FARS2: variants seen among roughly 807,000 people sequenced by gnomAD.
FARS2 encodes phenylalanine--tRNA ligase, mitochondrial.
FARS2 carries 40 observed loss-of-function variants against 46.4 expected under a neutral mutation model. The observed-to-expected ratio is 0.86, with a 90% CI of 0.67 to 1.12. The LOEUF (loss-of-function observed/expected upper bound fraction) is 1.12. FARS2 is among the 50% of genes most tolerant of loss of function. The pLI, the probability that FARS2 is intolerant of heterozygous loss-of-function variation, is 0.00. For synonymous variants in FARS2, 234 were observed against 214.9 expected (o/e 1.09, Z -0.78); for missense variants, 513 against 567.9 (o/e 0.90, Z 0.98).
rs146119202 is a variant in FARS2, at chr6:5,583,580, T to C, written c.1066-29589T>C. Among the ~76,000 whole-genome samples the C allele has an allele frequency of 1.2e-4, 18 of 152,326 alleles. No individual in the cohort carries two copies. The East Asian group carries it at 1.9e-3, about 16-fold the overall frequency. On this transcript the variant is annotated intron_variant, in intron 5 of 6. Transcript: ENST00000274680. ...GCCTATATTTACAATTAGAGTCGTT[T>C]GTTTGTTTAACAGATCCTTAAGCCT...
chr6:5,487,125 G>T (rs375401735), intron 4 of FARS2, among the ~76,000 whole-genome samples: 3 of 152,166 alleles, frequency 2.0e-5, no homozygotes, highest in African/African-American at 7.2e-5. Flanking sequence ...ATATAACATT[G>T]CTTATACAGA....
At chr6:5,312,175 T>G (rs1769123863) in intron 1 of FARS2, among the ~76,000 whole-genome samples, 1 of 152,246 alleles carries the variant, frequency 6.6e-6, no homozygotes. Flanking sequence ...GCTGCAGTCC[T>G]TTTGAATGTG....
chr6:5,396,569 A>G (rs1019094801), intron 2 of FARS2, among the ~76,000 whole-genome samples: 1 of 152,208 alleles, frequency 6.6e-6, no homozygotes, highest in African/African-American at 2.4e-5. Flanking sequence ...TTCACAGACT[A>G]GATATGCTGG....
At chr6:5,532,764 G>T (rs1050820284) in intron 4 of FARS2, among the ~76,000 whole-genome samples, 3 of 148,808 alleles carry the variant, frequency 2.0e-5, no homozygotes, top group Non-Finnish European at 3.0e-5. Context: ...AGTAGTAGTA[G>T]TAATAATAAT....
chr6:5,275,236 TTC>T (rs1766254997), intron 1 of FARS2, among the ~76,000 whole-genome samples: 1 of 152,224 alleles, frequency 6.6e-6, no homozygotes, highest in South Asian at 2.1e-4. Flanking sequence ...ATGAGGGTCC[TTC>T]TCTTGAATAA....
intron 1 of FARS2, among the ~76,000 whole-genome samples, chr6:5,297,411 G>A (rs1444628392): frequency 2.0e-5 from 3 of 152,204 alleles, no homozygotes; most frequent in Non-Finnish European, 4.4e-5. Flanking sequence ...ACTTTGGGGG[G>A]CCAAGGCGGG....
chr6:5,332,995 T>A (rs932278619), intron 1 of FARS2, among the ~76,000 whole-genome samples: 1 of 152,254 alleles, frequency 6.6e-6, no homozygotes, highest in South Asian at 2.1e-4. Flanking sequence ...TATACTAATA[T>A]TGATTTTCTT....
intron 4 of FARS2, among the ~76,000 whole-genome samples, chr6:5,513,542 T>G (rs757045715): frequency 6.6e-6 from 1 of 152,190 alleles, no homozygotes; most frequent in Non-Finnish European, 1.5e-5. Flanking sequence ...TGTGTTCGAG[T>G]CTCAAATGCC....
At chr6:5,364,434 T>A (rs1013476449) in intron 1 of FARS2, among the ~76,000 whole-genome samples, 6 of 152,216 alleles carry the variant, frequency 3.9e-5, no homozygotes, top group Non-Finnish European at 7.3e-5. Flanking sequence ...TGATTGTTTC[T>A]TTTGTACCAG....
Position 5,423,353 on chromosome 6 carries a change from A to G in FARS2, c.773-7688A>G, listed in dbSNP as rs190205522. Among the ~76,000 whole-genome samples, 330 of 152,060 alleles carry G rather than the reference A, an allele frequency of 2.2e-3. 1 individual carries two copies. Among genetic ancestry groups the G allele is most frequent in the Non-Finnish European group, 3.8e-3 (256 of 67,976 alleles). The stretch of plus-strand genomic sequence containing the variant: ...AATGAGGGGCCCATTAAATTGTGCC[A>G]TACTCCATTTCTCATTTCATTGTGA... On this transcript the variant is annotated intron_variant, in intron 3 of 6. Transcript: ENST00000274680.
intron 3 of FARS2, among the ~76,000 whole-genome samples, chr6:5,405,875 G>C (rs1267028073): frequency 6.6e-6 from 1 of 152,130 alleles, no homozygotes; most frequent in African/African-American, 2.4e-5. Flanking sequence ...ATCAACAGGA[G>C]TATATTAACA....
In FARS2 at chr6:5,738,832, C is replaced by T. The variant is rs145695773; in HGVS notation, c.1218-32459C>T. Among the ~76,000 whole-genome samples the T allele has an allele frequency of 7.7e-3, 1,169 of 151,924 alleles. 29 individuals carry two copies. Among genetic ancestry groups the T allele is most frequent in the Admixed American group, 0.049 (742 of 15,268 alleles). ...GCATAAAACTTTAACCAAAGAGTTGCGTGTGTATCGTTGTCGGTTTTTTTC... is the reference window on the plus strand; with the variant it reads ...GCATAAAACTTTAACCAAAGAGTTGTGTGTGTATCGTTGTCGGTTTTTTTC... On this transcript the variant is annotated intron_variant, in intron 6 of 6. Transcript: ENST00000274680.
At chr6:5,328,701 TTTTAA>T (rs1770574083) in intron 1 of FARS2, among the ~76,000 whole-genome samples, 1 of 152,116 alleles carries the variant, frequency 6.6e-6, no homozygotes, top group Non-Finnish European at 1.5e-5. Flanking sequence ...CCCTGTTGAC[TTTTAA>T]GATTTCAAGG....
At chr6:5,510,891 G>A (rs1336728931) in intron 4 of FARS2, among the ~76,000 whole-genome samples, 6 of 152,176 alleles carry the variant, frequency 3.9e-5, no homozygotes, top group African/African-American at 1.4e-4. Context: ...GTGCCTGTCT[G>A]TGCTGGGCTT....
intron 5 of FARS2, among the ~76,000 whole-genome samples, chr6:5,607,285 A>ATGTGTGTGTGTG (rs200898031): frequency 1.5e-4 from 11 of 74,984 alleles, no homozygotes; most frequent in East Asian, 1.3e-3. Context: ...AATAATATGT[A>ATGTGTGTGTGTG]TGTGTGTGTG....
chr6:5,628,786 G>A (rs1776155196), intron 6 of FARS2, among the ~76,000 whole-genome samples: 1 of 152,220 alleles, frequency 6.6e-6, no homozygotes, highest in Non-Finnish European at 1.5e-5. Flanking sequence ...CCCACAGCCT[G>A]GTTATCCAGT....
At chr6:5,455,707 G>C (rs901679327) in intron 4 of FARS2, among the ~76,000 whole-genome samples, 4 of 148,216 alleles carry the variant, frequency 2.7e-5, no homozygotes, top group Admixed American at 6.9e-5. Context: ...AGTAATGTAG[G>C]ATAGTAGAAA....
At chr6:5,577,748 AC>A (rs1773071136) in intron 5 of FARS2, among the ~76,000 whole-genome samples, 2 of 152,010 alleles carry the variant, frequency 1.3e-5, no homozygotes, top group Admixed American at 1.3e-4. Flanking sequence ...TTTGGAGTAA[AC>A]AATAATTGGA....
intron 5 of FARS2, among the ~76,000 whole-genome samples, chr6:5,551,883 G>A (rs55648241): frequency 0.04 from 6,149 of 152,130 alleles, 148 homozygotes; most frequent in South Asian, 0.088. Context: ...CTCCCTCTTC[G>A]AAGGACTCTT....
Sources: gnomAD v4.1 joint callset for allele counts (sites outside exome capture counted in the v4.1 genomes callset) on GRCh38, gnomAD v4.1.1 for gene constraint, MANE v1.5 for transcripts, NCBI Gene and HGNC (gene_info 2026-07-23, HGNC 2026-07-21) for gene names.